Variants in TRPC4 observed in about 807,000 individuals in gnomAD.
TRPC4 encodes the protein transient receptor potential cation channel subfamily C member 4.
Under a neutral mutation model 99.4 loss-of-function variants are expected in TRPC4, and 49 were observed. The ratio of observed to expected loss-of-function variants is 0.49; its 90% CI spans 0.39 to 0.63. TRPC4 has a LOEUF of 0.63. Among genes scored for constraint, TRPC4 ranks in the 20% least tolerant of loss-of-function variants. The probability of loss-of-function intolerance (pLI) is 0.00; values close to 1 mark genes in which losing one functional copy is unlikely to be tolerated. For synonymous variants in TRPC4, 454 were observed against 425.9 expected (o/e 1.07, Z -0.81); for missense variants, 898 against 1,152.9 (o/e 0.78, Z 3.20).
At chr13:37,653,885 T>C (rs929927311) in intron 7 of TRPC4, among the ~76,000 whole-genome samples, 2 of 152,080 alleles carry the variant, frequency 1.3e-5, no homozygotes, top group South Asian at 2.1e-4. Flanking sequence ...TTTGGAAATA[T>C]GTTGATTAGG....
intron 4 of TRPC4, among the ~76,000 whole-genome samples, chr13:37,675,201 T>C (rs368177592): frequency 6.6e-6 from 1 of 152,078 alleles, no homozygotes; most frequent in African/African-American, 2.4e-5. Context: ...ATGTAGAAAG[T>C]TGGAAAAGTA....
intron 8 of TRPC4, among the ~76,000 whole-genome samples, chr13:37,639,840 T>A (rs977626861): frequency 1.3e-5 from 2 of 151,558 alleles, no homozygotes; most frequent in Non-Finnish European, 2.9e-5. Flanking sequence ...AAATAAAGGA[T>A]TCTGTTGAAA....
intron 1 of TRPC4, among the ~76,000 whole-genome samples, chr13:37,838,295 A>C (rs1958625465): frequency 6.6e-6 from 1 of 152,114 alleles, no homozygotes; most frequent in Non-Finnish European, 1.5e-5. Context: ...GTCACCTGGG[A>C]ACTTATTAGG....
intron 1 of TRPC4, among the ~76,000 whole-genome samples, chr13:37,852,198 A>G (rs1278258365): frequency 6.6e-6 from 1 of 152,126 alleles, no homozygotes; most frequent in African/African-American, 2.4e-5. Flanking sequence ...AAGGCAGTGC[A>G]ACTCACAGGA....
At chr13:37,652,508 C>T (rs1952080699) in intron 7 of TRPC4, among the ~76,000 whole-genome samples, 1 of 152,210 alleles carries the variant, frequency 6.6e-6, no homozygotes, top group South Asian at 2.1e-4. Flanking sequence ...CTTATTGCTG[C>T]TAAGCAAATG....
intron 1 of TRPC4, among the ~76,000 whole-genome samples, chr13:37,833,085 A>T (rs1958466914): frequency 1.3e-5 from 2 of 151,824 alleles, no homozygotes; most frequent in Non-Finnish European, 2.9e-5. Context: ...ATCTCTTCCT[A>T]AGCTCCTTCA....
At chr13:37,800,352 C>T (rs867197091) in intron 1 of TRPC4, among the ~76,000 whole-genome samples, 3 of 152,130 alleles carry the variant, frequency 2.0e-5, no homozygotes. Flanking sequence ...TAAAGGTGCA[C>T]ACCACTGCAT....
intron 2 of TRPC4, among the ~76,000 whole-genome samples, chr13:37,753,263 A>T (rs1955987281): frequency 6.6e-6 from 1 of 152,116 alleles, no homozygotes; most frequent in African/African-American, 2.4e-5. Context: ...CAAGAAAGCT[A>T]AATAATTTTA....
chr13:37,850,415 T>C (rs924141959), intron 1 of TRPC4, among the ~76,000 whole-genome samples: 42 of 152,318 alleles, frequency 2.8e-4, no homozygotes, highest in African/African-American at 9.6e-4. Flanking sequence ...ACAAAATAGA[T>C]TTAAATGGTT....
chr13:37,746,010 T>C lies in TRPC4; in HGVS notation c.824A>G (p.Asn275Ser). Reference sequence around the variant, plus strand: ...TCCACTTTGTTCTTCTATGAGACTATTGTCATCTCGGTAATTAAGAATGAT... The same window carrying C: ...TCCACTTTGTTCTTCTATGAGACTACTGTCATCTCGGTAATTAAGAATGAT... ...LEIILNYRDD[N>S]SLIEEQSGND... The change falls in exon 3 of 11, where the codon AAT becomes AGT. Residue 275 changes from asparagine (N) to serine (S), a missense_variant. Physicochemically the swap from Asn to Ser is conservative, Grantham distance 46. Transcript: ENST00000379705. 1.2e-6 allele frequency: 2 copies of C among 1,613,912 alleles called. No individual in the cohort carries two copies. Among genetic ancestry groups the C allele is most frequent in the Non-Finnish European group, 1.7e-6 (2 of 1,179,852 alleles).
chr13:37,677,713 G>A (rs1391142401), intron 4 of TRPC4, among the ~76,000 whole-genome samples: 1 of 152,124 alleles, frequency 6.6e-6, no homozygotes, highest in African/African-American at 2.4e-5. Context: ...ATTATAAGTG[G>A]AGGTTTCAGC....
At chr13:37,696,623 G>C (rs1030732550) in intron 3 of TRPC4, among the ~76,000 whole-genome samples, 3 of 152,100 alleles carry the variant, frequency 2.0e-5, no homozygotes, top group African/African-American at 7.2e-5. Context: ...GCTGACTGCC[G>C]GGTGATTATA....
At chr13:37,758,942 T>A (rs1431038855) in intron 2 of TRPC4, among the ~76,000 whole-genome samples, 1 of 151,676 alleles carries the variant, frequency 6.6e-6, no homozygotes, top group Non-Finnish European at 1.5e-5. Flanking sequence ...ATGCATTTAG[T>A]ACCATTTCAT....
chr13:37,832,722 A>G (rs1341884261), intron 1 of TRPC4, among the ~76,000 whole-genome samples: 1 of 152,208 alleles, frequency 6.6e-6, no homozygotes, highest in Non-Finnish European at 1.5e-5. Context: ...GAAAAGATAG[A>G]GATGTTTATA....
intron 3 of TRPC4, among the ~76,000 whole-genome samples, chr13:37,742,613 G>A (rs964315628): frequency 1.1e-4 from 16 of 152,180 alleles, no homozygotes; most frequent in African/African-American, 3.6e-4. Flanking sequence ...CAAGACGTGA[G>A]ATGACCTTTA....
intron 1 of TRPC4, among the ~76,000 whole-genome samples, chr13:37,862,895 G>A (rs1250191441): frequency 2.6e-5 from 4 of 151,180 alleles, no homozygotes; most frequent in South Asian, 4.2e-4. Context: ...CAACATTTTG[G>A]GCAACAATGA....
At chr13:37,770,748 T>C (rs1259285866) in intron 2 of TRPC4, among the ~76,000 whole-genome samples, 1 of 151,666 alleles carries the variant, frequency 6.6e-6, no homozygotes, top group African/African-American at 2.4e-5. Flanking sequence ...AGTTTAAGCA[T>C]TTTATTGATA....
intron 3 of TRPC4, among the ~76,000 whole-genome samples, chr13:37,740,631 C>T (rs1424188808): frequency 6.6e-6 from 1 of 152,108 alleles, no homozygotes; most frequent in Non-Finnish European, 1.5e-5. Flanking sequence ...AAGGCTACAC[C>T]CTATGTGTTT....
Position 37,634,342 on chromosome 13 carries a change from T to G in TRPC4, c.*2561A>C, listed in dbSNP as rs768769891. Among the ~76,000 whole-genome samples, 1 of 152,100 alleles carries G rather than the reference T, an allele frequency of 6.6e-6. No homozygotes were observed. Among genetic ancestry groups the G allele is most frequent in the Non-Finnish European group, 1.5e-5 (1 of 67,984 alleles). On this transcript the variant is annotated 3_prime_UTR_variant, in exon 11 of 11. Transcript: ENST00000379705. ...ACATAATGTCACTACGTATTTAGAATAGCATTCAATTCTAGTGATATTAGT... is the reference window on the plus strand; with the variant it reads ...ACATAATGTCACTACGTATTTAGAAGAGCATTCAATTCTAGTGATATTAGT...
Sources: gnomAD v4.1 joint callset for allele counts (sites outside exome capture counted in the v4.1 genomes callset) on GRCh38, gnomAD v4.1.1 for gene constraint, MANE v1.5 for transcripts, NCBI Gene and HGNC (gene_info 2026-07-23, HGNC 2026-07-21) for gene names.